The following IL6R variants were observed in gnomAD, a reference collection of about 807,000 sequenced individuals.
The protein encoded by IL6R is interleukin-6 receptor subunit alpha.
In IL6R, 38 loss-of-function variants were observed where a neutral mutation model predicts 48.3. That is an observed-to-expected ratio of 0.79 (90% confidence interval 0.61 to 1.03). IL6R has a LOEUF of 1.03. Among genes scored for constraint, IL6R ranks in the 50% least tolerant of loss-of-function variants. The pLI, the probability that IL6R is intolerant of heterozygous loss-of-function variation, is 0.00. For missense variants in IL6R, 534 were observed against 618.3 expected (o/e 0.86, Z 1.45); for synonymous variants, 264 against 256.2 (o/e 1.03, Z -0.29).
At chr1:154,463,973 G>A (rs1001979808) in intron 9 of IL6R, among the ~76,000 whole-genome samples, 2 of 152,064 alleles carry the variant, frequency 1.3e-5, no homozygotes, top group Admixed American at 1.3e-4. Flanking sequence ...GGGAGAACTG[G>A]GGAGGTCAGC....
chr1:154,449,642 G>A (rs902061918), intron 7 of IL6R, among the ~76,000 whole-genome samples: 6 of 152,232 alleles, frequency 3.9e-5, no homozygotes, highest in Admixed American at 3.9e-4. Flanking sequence ...AGCTGCTTCA[G>A]TGTATCCACT....
intron 6 of IL6R, among the ~76,000 whole-genome samples, chr1:154,445,495 A>C (rs1014365186): frequency 6.6e-6 from 1 of 152,156 alleles, no homozygotes; most frequent in Admixed American, 6.5e-5. Flanking sequence ...TCACACCTGT[A>C]ATCTCAGTAC....
intron 1 of IL6R, among the ~76,000 whole-genome samples, chr1:154,426,161 G>GAC (rs372688307): frequency 0.05 from 5,914 of 118,568 alleles, 471 homozygotes; most frequent in African/African-American, 0.14. Context: ...CCCTGTATCA[G>GAC]ACACACACAC....
chr1:154,447,476 T>TACACAC lies in IL6R; in HGVS notation c.950-627_950-622dup, dbSNP rs1230551409. 2.5e-3 allele frequency among the ~76,000 whole-genome samples: 174 copies of TACACAC among 68,654 alleles called. 2 individuals carry two copies. The highest frequency in any genetic ancestry group is 5.3e-3 in the African/African-American group (95 of 17,938). 45.0% of individuals were successfully genotyped at this position (68,654 alleles called of 152,430 possible). A position where few individuals can be genotyped will look rare whatever the true frequency, so the allele number is the denominator to read the frequency against. On this transcript the variant is annotated intron_variant, in intron 6 of 9. Coordinates refer to ENST00000368485, the MANE Select transcript of IL6R (RefSeq NM_000565.4). ...AAAAATATATATATATATATATATA[T>TACACAC]ACACACACACACACACACACACACA...
intron 1 of IL6R, among the ~76,000 whole-genome samples, chr1:154,427,562 G>A (rs147364029): frequency 6.6e-6 from 1 of 152,352 alleles, no homozygotes; most frequent in Non-Finnish European, 1.5e-5. Context: ...CAGCCTTGAG[G>A]TAGAGGGTGC....
At position 154,405,421 on chromosome 1, in the gene IL6R, G is replaced by A; in HGVS notation, c.-209G>A. On this transcript the variant is annotated 5_prime_UTR_variant, in exon 1 of 10. Transcript: ENST00000368485. The surrounding 1 kb of genome is among the most constrained non-coding windows in gnomAD (Gnocchi z 5.2). ...GGGAAGTCGCACTGACACTGAGCCG[G>A]GCCAGAGGGAGAGGAGCCGAGCGCG... 3.7e-6 allele frequency: 2 copies of A among 535,212 alleles called. No individual in the cohort carries two copies. The highest frequency in any genetic ancestry group is 4.7e-5 in the South Asian group (2 of 42,604). The allele number at this position is 535,212 out of a possible 1,614,324, so 33.2% of individuals were successfully genotyped here.
chr1:154,468,187 T>C lies in IL6R; in HGVS notation c.*2807T>C, dbSNP rs1691642060. On this transcript the variant is annotated 3_prime_UTR_variant, in exon 10 of 10. Coordinates refer to ENST00000368485, the MANE Select transcript of IL6R (RefSeq NM_000565.4). ...AGGCCTGGCTCAGCGTACACAGGTA[T>C]ACATCCTAAGCTCTCTATGTTCTCT... 1 of 152,242 alleles carries C rather than the reference T, an allele frequency of 6.6e-6. No homozygotes were observed. The highest frequency in any genetic ancestry group is 2.1e-4 in the South Asian group (1 of 4,832). 9.4% of individuals were successfully genotyped at this position (152,242 alleles called of 1,614,324 possible).
intron 9 of IL6R, among the ~76,000 whole-genome samples, chr1:154,459,552 T>G (rs1691121521): frequency 6.6e-6 from 1 of 152,242 alleles, no homozygotes; most frequent in African/African-American, 2.4e-5. Context: ...AGAGGTTGAC[T>G]TCATCCTGCC....
chr1:154,449,855 C>A, intron 7 of IL6R, 56 bp from the exon 8 acceptor site: 1 of 1,154,530 alleles, frequency 8.7e-7, no homozygotes, highest in Non-Finnish European at 1.3e-6. Flanking sequence ...TGAACTGGTT[C>A]TGAATGATGG....
chr1:154,455,673 C>T (rs1349087543), intron 9 of IL6R, among the ~76,000 whole-genome samples: 3 of 150,788 alleles, frequency 2.0e-5, no homozygotes, highest in Admixed American at 6.6e-5. Context: ...AGGATGGTCT[C>T]GATCTCCTGA....
intron 5 of IL6R, among the ~76,000 whole-genome samples, chr1:154,435,718 G>T (rs918219455): frequency 6.6e-6 from 1 of 152,208 alleles, no homozygotes; most frequent in Non-Finnish European, 1.5e-5. Context: ...AAGAGATTTG[G>T]GCTGTAGACA....
intron 3 of IL6R, among the ~76,000 whole-genome samples, chr1:154,433,343 G>A (rs539475211): frequency 6.6e-6 from 1 of 152,292 alleles, no homozygotes; most frequent in South Asian, 2.1e-4. Context: ...CAGGTTTCCA[G>A]GCCAGGTGGG....
At chr1:154,462,374 CTT>C (rs34351697) in intron 9 of IL6R, among the ~76,000 whole-genome samples, 9 of 137,150 alleles carry the variant, frequency 6.6e-5, no homozygotes, top group South Asian at 2.3e-4. Context: ...AAATCTCAGA[CTT>C]TTTTTTTTTT....
intron 6 of IL6R, among the ~76,000 whole-genome samples, chr1:154,436,576 A>C (rs1394765256): frequency 6.6e-6 from 1 of 152,226 alleles, no homozygotes; most frequent in Non-Finnish European, 1.5e-5. Flanking sequence ...GTCTTGCCTG[A>C]ATCAGGAATG....
rs544537877 is a variant in IL6R at position 154,437,396 on chromosome 1, C to T, written c.949+1286C>T. 393 of 359,606 alleles carry T rather than the reference C, an allele frequency of 1.1e-3. 1 individual carries two copies. Among genetic ancestry groups the T allele is most frequent in the African/African-American group, 7.4e-3 (348 of 46,968 alleles). 22.3% of individuals were successfully genotyped at this position (359,606 alleles called of 1,614,324 possible). A position where few individuals can be genotyped will look rare whatever the true frequency, so the allele number is the denominator to read the frequency against. ...ATAGGCATGAGTCACTGTGCCCGGT[C>T]GGAAATTTTTTTTAACTTAAATTTT... On this transcript the variant is annotated intron_variant, in intron 6 of 9. Transcript: ENST00000368485.
intron 1 of IL6R, among the ~76,000 whole-genome samples, chr1:154,409,593 G>A (rs1486124544): frequency 6.6e-6 from 1 of 152,144 alleles, no homozygotes; most frequent in Non-Finnish European, 1.5e-5. Context: ...GTTTACAGAA[G>A]TCCCTAACAC....
intron 1 of IL6R, among the ~76,000 whole-genome samples, chr1:154,407,037 T>G (rs1687766485): frequency 6.6e-6 from 1 of 152,038 alleles, no homozygotes; most frequent in South Asian, 2.1e-4. Context: ...TGCTCCAGTG[T>G]GGTAGATGTC....
intron 3 of IL6R, among the ~76,000 whole-genome samples, chr1:154,433,714 G>A (rs1689437886): frequency 6.9e-6 from 1 of 144,486 alleles, no homozygotes; most frequent in South Asian, 2.2e-4. Context: ...CTCATCTCTA[G>A]ATTTTACATT....
rs922566188 is a variant in IL6R, at chr1:154,434,521, A to G, written c.461A>G (p.Gln154Arg). 6.2e-7 allele frequency: 1 copy of G among 1,612,932 alleles called. No homozygotes were observed. The highest frequency in any genetic ancestry group is 8.5e-7 in the Non-Finnish European group (1 of 1,179,690). The change falls in exon 4 of 10, where the codon CAG becomes CGG. Residue 154 changes from glutamine to arginine, a missense_variant and splice_region_variant. Gln to Arg is a conservative substitution (Grantham distance 43). Transcript: ENST00000368485. ...TGCCCTTGTTTTGTGTCTAACAGTC[A>G]GAACAGTCCGGCCGAAGACTTCCAG... ...TKAVLLVRKFQNSPAEDFQEP... is the reference protein window; with the variant it reads ...TKAVLLVRKFRNSPAEDFQEP...
Sources: allele counts gnomAD v4.1 joint callset (sites outside exome capture counted in the v4.1 genomes callset), GRCh38; gene constraint gnomAD v4.1.1; non-coding constraint Gnocchi (gnomAD v3.1); transcripts MANE v1.5; gene names NCBI Gene and HGNC (gene_info 2026-07-23, HGNC 2026-07-21).